Variants in KMT2C observed in about 807,000 individuals in gnomAD.
KMT2C encodes the protein histone-lysine N-methyltransferase 2C.
A neutral mutation model predicts 507.9 loss-of-function variants in KMT2C; 88 were observed. That is an observed-to-expected ratio of 0.17 (90% CI 0.15 to 0.21). The LOEUF (loss-of-function observed/expected upper bound fraction) is 0.21. Among genes scored for constraint, KMT2C ranks in the 10% least tolerant of loss-of-function variants. The pLI, the probability that KMT2C is intolerant of heterozygous loss-of-function variation, is 1.00. For synonymous variants in KMT2C, 2,049 were observed against 2,080.8 expected, an observed-to-expected ratio of 0.98 and a Z score of 0.42; for missense variants, 4,954 against 5,957.8, an observed-to-expected ratio of 0.83 and a Z score of 5.55.
At chr7:152,207,895 C>A (rs35835912) in intron 23 of KMT2C, among the ~76,000 whole-genome samples, 2 of 152,222 alleles carry the variant, frequency 1.3e-5, no homozygotes, top group South Asian at 4.1e-4. Flanking sequence ...AAATGTAACC[C>A]GGAGAAGACA....
chr7:152,368,709 T>C, intron 1 of KMT2C: 1 of 1,257,890 alleles, frequency 7.9e-7, no homozygotes, highest in Non-Finnish European at 1.1e-6. Context: ...TATGCCAGCT[T>C]GGACATCAGT....
intron 1 of KMT2C, among the ~76,000 whole-genome samples, chr7:152,383,571 T>C (rs1363614083): frequency 6.6e-6 from 1 of 152,194 alleles, no homozygotes; most frequent in African/African-American, 2.4e-5. Flanking sequence ...AGTTTGTATA[T>C]GCGGGGCACA....
intron 3 of KMT2C, among the ~76,000 whole-genome samples, chr7:152,329,592 G>A (rs771740591): frequency 3.4e-5 from 5 of 148,582 alleles, no homozygotes; most frequent in Non-Finnish European, 7.4e-5. Flanking sequence ...AAAAAAGAAA[G>A]GAAAGGAAGA....
At chr7:152,210,648 C>A (rs1407826135) in intron 23 of KMT2C, among the ~76,000 whole-genome samples, 1 of 151,792 alleles carries the variant, frequency 6.6e-6, no homozygotes, top group Admixed American at 6.6e-5. Flanking sequence ...ATCTGCAACA[C>A]CCCTGATCTG....
At chr7:152,226,386 CCA>C (rs1239642035) in intron 18 of KMT2C, among the ~76,000 whole-genome samples, 4 of 151,910 alleles carry the variant, frequency 2.6e-5, no homozygotes, top group African/African-American at 9.7e-5. Context: ...GAATGAGCCA[CCA>C]CACCCAGCTA....
At chr7:152,200,015 A>T (rs538064695) in intron 26 of KMT2C, among the ~76,000 whole-genome samples, 1 of 152,328 alleles carries the variant, frequency 6.6e-6, no homozygotes, top group East Asian at 1.9e-4. Flanking sequence ...TATACTTTCA[A>T]GCTGGGTTCC....
At chr7:152,259,846 C>T (rs1158057197) in intron 9 of KMT2C, among the ~76,000 whole-genome samples, 3 of 152,158 alleles carry the variant, frequency 2.0e-5, no homozygotes, top group African/African-American at 7.2e-5. Flanking sequence ...AGTAAACACT[C>T]AAAAGTTAAA....
chr7:152,322,179 A>G (rs2096778834), intron 3 of KMT2C, among the ~76,000 whole-genome samples: 1 of 151,894 alleles, frequency 6.6e-6, no homozygotes, highest in Non-Finnish European at 1.5e-5. Context: ...CCTGGGCAAC[A>G]TGGTGAAACC....
At position 152,373,996 on chromosome 7, in the gene KMT2C, G is replaced by A. The variant is rs143420560; in HGVS notation, c.162-15321C>T. Among the ~76,000 whole-genome samples the A allele has an allele frequency of 5.3e-5, 8 of 152,046 alleles. No individual in the cohort carries two copies. In the East Asian group the frequency reaches 1.5e-3, roughly 29 times the overall value. ...TGCTCAACTTTACCAAGTAATCAGG[G>A]AAATCGAACAATGATATGAAAAATG... is the stretch of plus-strand genomic sequence containing the variant. On this transcript the variant is annotated intron_variant, in intron 1 of 58. Coordinates refer to ENST00000262189, the MANE Select transcript of KMT2C (RefSeq NM_170606.3).
At chr7:152,323,439 A>G (rs2096789803) in intron 3 of KMT2C, among the ~76,000 whole-genome samples, 1 of 151,754 alleles carries the variant, frequency 6.6e-6, no homozygotes, top group Admixed American at 6.6e-5. Flanking sequence ...GATATTCAAA[A>G]CCAGCCTGGG....
At chr7:152,401,308 G>A (rs372036817) in intron 1 of KMT2C, among the ~76,000 whole-genome samples, 6 of 151,856 alleles carry the variant, frequency 4.0e-5, no homozygotes, top group East Asian at 1.9e-4. Context: ...TCGGCCTCCC[G>A]CCCTCAGGTG....
At chr7:152,223,495 TAAA>T (rs2094836790) in intron 20 of KMT2C, among the ~76,000 whole-genome samples, 1 of 152,036 alleles carries the variant, frequency 6.6e-6, no homozygotes, top group African/African-American at 2.4e-5. Context: ...AGGCCTAAAT[TAAA>T]AATCTTTAGT....
chr7:152,145,458 G>C (rs1292291670), intron 53 of KMT2C, among the ~76,000 whole-genome samples, 163 bp from the exon 54 acceptor site: 1 of 152,208 alleles, frequency 6.6e-6, no homozygotes. Flanking sequence ...CCTGCAGGTA[G>C]ATCTACTTAA....
chr7:152,248,293 T>C lies in KMT2C; in HGVS notation c.2141A>G (p.Gln714Arg), dbSNP rs374005616. 32 of 1,613,916 alleles carry C rather than the reference T, an allele frequency of 2.0e-5. 1 individual carries two copies. The African/African-American group carries it at 2.0e-4, about 10-fold the overall frequency. ...TCCTTGTAGCCTTTCTATAACCAACTGTTCCTCAGGACATAATGAAATACT... is the reference window on the plus strand; with the variant it reads ...TCCTTGTAGCCTTTCTATAACCAACCGTTCCTCAGGACATAATGAAATACT... ...EESISLCPEE[Q>R]LVIERLQGEK... The change falls in exon 14 of 59, where the codon CAG (glutamine) becomes CGG (arginine). Residue 714 changes from glutamine to arginine, a missense_variant. By Grantham distance (43) the Gln-to-Arg change is conservative. Coordinates refer to ENST00000262189, the MANE Select transcript of KMT2C (RefSeq NM_170606.3).
chr7:152,388,557 A>G (rs2097455974), intron 1 of KMT2C, among the ~76,000 whole-genome samples: 1 of 152,282 alleles, frequency 6.6e-6, no homozygotes, highest in South Asian at 2.1e-4. Context: ...GACTGTCTCA[A>G]AAAAACAGAA....
intron 1 of KMT2C, among the ~76,000 whole-genome samples, chr7:152,399,793 A>AT (rs1438383822): frequency 6.6e-6 from 1 of 152,186 alleles, no homozygotes; most frequent in Non-Finnish European, 1.5e-5. Context: ...TTATTAATCC[A>AT]TAAAATGAGA....
chr7:152,422,013 C>T (rs1350065381), intron 1 of KMT2C, among the ~76,000 whole-genome samples: 1 of 152,082 alleles, frequency 6.6e-6, no homozygotes, highest in Non-Finnish European at 1.5e-5. Flanking sequence ...CAAATGTTTT[C>T]AATGAAAAGA....
intron 49 of KMT2C, 23 bp downstream of exon 49, chr7:152,152,682 T>C (rs777205037): frequency 1.2e-6 from 2 of 1,610,900 alleles, no homozygotes; most frequent in Admixed American, 1.7e-5. Context: ...GATTTGGGGT[T>C]AACAAAAAGC....
At chr7:152,339,450 A>G (rs1232866586) in intron 2 of KMT2C, among the ~76,000 whole-genome samples, 3 of 152,234 alleles carry the variant, frequency 2.0e-5, no homozygotes, top group Non-Finnish European at 4.4e-5. Flanking sequence ...AAATTACAGT[A>G]GTTATTAAAT....
Sources: allele counts gnomAD v4.1 joint callset (sites outside exome capture counted in the v4.1 genomes callset), GRCh38; gene constraint gnomAD v4.1.1; transcripts MANE v1.5; gene names NCBI Gene and HGNC (gene_info 2026-07-23, HGNC 2026-07-21).